Variants in LRRC4C observed in about 807,000 individuals in gnomAD.
The protein encoded by LRRC4C is leucine-rich repeat-containing protein 4C.
In LRRC4C, 5 loss-of-function variants were observed where a neutral mutation model predicts 33.6. That is an observed-to-expected ratio of 0.15 (90% CI 0.08 to 0.31). LRRC4C has a LOEUF of 0.31. Among genes scored for constraint, LRRC4C ranks in the 10% least tolerant of loss-of-function variants. The pLI, the probability that LRRC4C is intolerant of heterozygous loss-of-function variation, is 1.00. For synonymous variants in LRRC4C, 329 were observed against 302.0 expected, an observed-to-expected ratio of 1.09 and a Z score of -0.93; for missense variants, 560 against 796.7, an observed-to-expected ratio of 0.70 and a Z score of 3.58.
intron 1 of LRRC4C, among the ~76,000 whole-genome samples, chr11:41,167,117 T>A (rs150194102): frequency 6.6e-6 from 1 of 152,078 alleles, no homozygotes; most frequent in Non-Finnish European, 1.5e-5. Context: ...TATATAGATA[T>A]ATACAGATGA....
chr11:41,135,894 A>C (rs1456241917), intron 1 of LRRC4C, among the ~76,000 whole-genome samples: 3 of 152,206 alleles, frequency 2.0e-5, no homozygotes, highest in Non-Finnish European at 2.9e-5. Flanking sequence ...TCAAGCTGAC[A>C]TCCAGGAGAA....
At chr11:41,000,612 C>T (rs907542544) in intron 1 of LRRC4C, among the ~76,000 whole-genome samples, 3 of 152,142 alleles carry the variant, frequency 2.0e-5, no homozygotes, top group South Asian at 2.1e-4. Flanking sequence ...GCCTATTGAT[C>T]GACATGGCAA....
chr11:40,458,441 T>C (rs1952237417), intron 3 of LRRC4C, among the ~76,000 whole-genome samples: 1 of 152,164 alleles, frequency 6.6e-6, no homozygotes, highest in Non-Finnish European at 1.5e-5. Flanking sequence ...TAATTCATAA[T>C]TTCTCTTAAA....
At chr11:40,329,392 A>C (rs555375514) in intron 3 of LRRC4C, among the ~76,000 whole-genome samples, 1 of 152,318 alleles carries the variant, frequency 6.6e-6, no homozygotes, top group African/African-American at 2.4e-5. Context: ...AGTGCTGTAA[A>C]CTGGAAACAT....
At chr11:40,348,327 T>A (rs754903075) in intron 3 of LRRC4C, among the ~76,000 whole-genome samples, 2 of 151,878 alleles carry the variant, frequency 1.3e-5, no homozygotes, top group Non-Finnish European at 2.9e-5. Context: ...TATGCGTGCA[T>A]CACCTCAAGC....
At chr11:41,211,648 A>T (rs577492057) in intron 1 of LRRC4C, among the ~76,000 whole-genome samples, 4 of 152,210 alleles carry the variant, frequency 2.6e-5, no homozygotes, top group Non-Finnish European at 5.9e-5. Flanking sequence ...GTCCCTACAA[A>T]GGACATGAAG....
chr11:40,259,763 T>A (rs1388468130), intron 4 of LRRC4C, among the ~76,000 whole-genome samples: 1 of 152,176 alleles, frequency 6.6e-6, no homozygotes, highest in Non-Finnish European at 1.5e-5. Flanking sequence ...TCTGTTCCAT[T>A]GATCTATATC....
At chr11:40,763,676 A>G (rs1293072506) in intron 2 of LRRC4C, among the ~76,000 whole-genome samples, 3 of 152,108 alleles carry the variant, frequency 2.0e-5, no homozygotes, top group Non-Finnish European at 4.4e-5. Flanking sequence ...TGATTGTGGG[A>G]CTTTGTATCG....
intron 2 of LRRC4C, among the ~76,000 whole-genome samples, chr11:40,811,161 T>C (rs970864727): frequency 6.6e-6 from 1 of 152,206 alleles, no homozygotes; most frequent in Non-Finnish European, 1.5e-5. Context: ...TTTCTTTTTT[T>C]TCCTTTAATG....
At chr11:40,396,893 G>T (rs1164650618) in intron 3 of LRRC4C, among the ~76,000 whole-genome samples, 1 of 152,018 alleles carries the variant, frequency 6.6e-6, no homozygotes, top group Non-Finnish European at 1.5e-5. Flanking sequence ...CATTCTGTTT[G>T]AGTTATAATG....
At chr11:40,824,373 G>T (rs900812586) in intron 2 of LRRC4C, among the ~76,000 whole-genome samples, 1 of 151,802 alleles carries the variant, frequency 6.6e-6, no homozygotes, top group Non-Finnish European at 1.5e-5. Context: ...ATTTTTAAAA[G>T]TTATTAAAAT....
intron 6 of LRRC4C, among the ~76,000 whole-genome samples, chr11:40,130,284 C>A (rs1309762086): frequency 6.6e-6 from 1 of 152,156 alleles, no homozygotes; most frequent in African/African-American, 2.4e-5. Flanking sequence ...TGCCTACATT[C>A]TCCTTTGTGC....
At chr11:40,176,860 G>C (rs1036412189) in intron 5 of LRRC4C, among the ~76,000 whole-genome samples, 5 of 149,270 alleles carry the variant, frequency 3.3e-5, no homozygotes, top group African/African-American at 1.2e-4. Context: ...TTTTAAAATT[G>C]CTCTTTTTAT....
intron 1 of LRRC4C, among the ~76,000 whole-genome samples, chr11:41,369,124 GA>G (rs915624616): frequency 4.6e-5 from 7 of 151,554 alleles, no homozygotes; most frequent in African/African-American, 1.2e-4. Flanking sequence ...CTAAGTGCTG[GA>G]AAAAAAACAC....
intron 1 of LRRC4C, among the ~76,000 whole-genome samples, chr11:41,037,553 A>G (rs1029436000): frequency 7.7e-5 from 11 of 142,170 alleles, no homozygotes; most frequent in Non-Finnish European, 1.2e-4. Flanking sequence ...TGCTTGCTGA[A>G]CTTTCTTACT....
intron 1 of LRRC4C, among the ~76,000 whole-genome samples, chr11:41,411,142 A>ATTGTTTTTTT (rs1954463926): frequency 1.7e-5 from 1 of 57,240 alleles, no homozygotes; most frequent in Non-Finnish European, 2.9e-5. Flanking sequence ...TTGGTACCCT[A>ATTGTTTTTTT]TTTTTTTTTT....
intron 1 of LRRC4C, among the ~76,000 whole-genome samples, chr11:41,173,319 C>T (rs957588154): frequency 2.0e-5 from 3 of 152,104 alleles, no homozygotes; most frequent in Non-Finnish European, 4.4e-5. Context: ...TTCAAAACTA[C>T]CAATTTTCCC....
chr11:40,846,272 G>A (rs1953166527), intron 2 of LRRC4C, among the ~76,000 whole-genome samples: 2 of 152,080 alleles, frequency 1.3e-5, no homozygotes, highest in Non-Finnish European at 2.9e-5. Context: ...GTCCTGAATG[G>A]TATTGCCTAG....
intron 1 of LRRC4C, among the ~76,000 whole-genome samples, chr11:41,104,595 AGCAGTT>A (rs1941387311): frequency 3.3e-5 from 5 of 151,960 alleles, no homozygotes; most frequent in Non-Finnish European, 5.9e-5. Flanking sequence ...CATATGACCC[AGCAGTT>A]CTGCTCCTAG....
Sources: gnomAD v4.1 joint callset for allele counts (sites outside exome capture counted in the v4.1 genomes callset) on GRCh38, gnomAD v4.1.1 for gene constraint, MANE v1.5 for transcripts, NCBI Gene and HGNC (gene_info 2026-07-23, HGNC 2026-07-21) for gene names.